The following GTF2IRD1 variants were observed in gnomAD, a reference collection of about 807,000 sequenced individuals.
GTF2IRD1 encodes the protein general transcription factor II-I repeat domain-containing protein 1.
In GTF2IRD1, 26 loss-of-function variants were observed where a neutral mutation model predicts 113.2. That is an observed-to-expected ratio of 0.23 (90% CI 0.17 to 0.32). The LOEUF (loss-of-function observed/expected upper bound fraction) is 0.32, where lower values mean the gene tolerates loss of function less well. GTF2IRD1 is among the 10% of genes least tolerant of loss of function. The pLI is 1.00. For missense variants in GTF2IRD1, 864 were observed against 1,280.8 expected (o/e 0.67, Z 4.97); for synonymous variants, 484 against 529.1 (o/e 0.91, Z 1.17).
intron 22 of GTF2IRD1, among the ~76,000 whole-genome samples, chr7:74,573,646 A>C (rs1286237664): frequency 1.3e-5 from 2 of 152,058 alleles, no homozygotes; most frequent in Non-Finnish European, 2.9e-5. Flanking sequence ...CGTGTGTCTG[A>C]GCCATAGAAG....
intron 8 of GTF2IRD1, among the ~76,000 whole-genome samples, chr7:74,528,920 T>TGGATGGATGGATGGATGGATGGAC (rs782584833): frequency 2.0e-5 from 2 of 102,148 alleles, no homozygotes; most frequent in African/African-American, 7.0e-5. Context: ...GATGGATGGA[T>TGGATGGATGGATGGATGGATGGAC]GGACGGACAA....
intron 22 of GTF2IRD1, among the ~76,000 whole-genome samples, chr7:74,578,325 ATAGGTG>A (rs1801202941): frequency 6.6e-6 from 1 of 151,982 alleles, no homozygotes; most frequent in Admixed American, 6.6e-5. Context: ...AGCTGGGACT[ATAGGTG>A]CCCGCCACCA....
At chr7:74,497,614 C>T (rs1357624762) in intron 1 of GTF2IRD1, among the ~76,000 whole-genome samples, 2 of 152,020 alleles carry the variant, frequency 1.3e-5, no homozygotes, top group African/African-American at 4.8e-5. Flanking sequence ...GTGCCTGTAC[C>T]ATTTTGCATC....
rs200536132 is a variant in GTF2IRD1, at chr7:74,519,544, C to A, written c.741C>A (p.Thr247=). Residue 247 remains threonine, a synonymous_variant, in exon 6 of 27, where the codon ACC becomes ACA. Transcript: ENST00000424337. Reference sequence around the variant, plus strand: ...TGCCACCCCAGGACCTGCCCCCAACCGCCACCTCCTCCTCCATGGCCAGCT... The same window carrying A: ...TGCCACCCCAGGACCTGCCCCCAACAGCCACCTCCTCCTCCATGGCCAGCT... ...PKVPPQDLPP[T]ATSSSMASFL... 5 of 1,612,184 alleles carry A rather than the reference C, an allele frequency of 3.1e-6. No homozygotes were observed. Among genetic ancestry groups the A allele is most frequent in the South Asian group, 1.1e-5 (1 of 90,808 alleles).
Position 74,555,428 on chromosome 7 carries a change from C to T in GTF2IRD1, c.1967-10C>T, listed in dbSNP as rs1416467205. 3 of 1,613,862 alleles carry T rather than the reference C, an allele frequency of 1.9e-6. No homozygotes were observed. Among genetic ancestry groups the T allele is most frequent in the Non-Finnish European group, 2.5e-6 (3 of 1,179,708 alleles). On this transcript the variant is annotated splice_polypyrimidine_tract_variant and intron_variant, in intron 18 of 26. Coordinates refer to ENST00000424337, the MANE Select transcript of GTF2IRD1 (RefSeq NM_005685.4). The surrounding 1 kb of genome is among the most constrained non-coding windows in gnomAD (Gnocchi z 5.3). ...CTCACTTGGCTTCTCTCCCCCTGCCCTGCCCCCAGAGAGGGATTCCGGGGA... is the reference window on the plus strand; with the variant it reads ...CTCACTTGGCTTCTCTCCCCCTGCCTTGCCCCCAGAGAGGGATTCCGGGGA...
At chr7:74,589,582 A>G (rs1801931926) in intron 22 of GTF2IRD1, among the ~76,000 whole-genome samples, 1 of 151,988 alleles carries the variant, frequency 6.6e-6, no homozygotes, top group African/African-American at 2.4e-5. Flanking sequence ...CTGTGATCCC[A>G]GCTACTTGGG....
At chr7:74,490,156 T>C (rs145143142) in intron 1 of GTF2IRD1, among the ~76,000 whole-genome samples, 41 of 152,198 alleles carry the variant, frequency 2.7e-4, no homozygotes, top group African/African-American at 8.9e-4. Flanking sequence ...TTTGTAGAGA[T>C]GGGGTCTCAC....
intron 22 of GTF2IRD1, among the ~76,000 whole-genome samples, chr7:74,586,243 C>G (rs1271720909): frequency 6.6e-6 from 1 of 152,150 alleles, no homozygotes; most frequent in Non-Finnish European, 1.5e-5. Flanking sequence ...GTCCTTGGGC[C>G]CAGGACTCCA....
intron 8 of GTF2IRD1, among the ~76,000 whole-genome samples, chr7:74,525,278 C>T (rs1433469264): frequency 6.6e-6 from 1 of 152,204 alleles, no homozygotes; most frequent in African/African-American, 2.4e-5. Flanking sequence ...GGTCCCCAGC[C>T]TGGGCCAGGT....
chr7:74,554,376 T>C (rs1554356044), intron 17 of GTF2IRD1, among the ~76,000 whole-genome samples: 1 of 152,150 alleles, frequency 6.6e-6, no homozygotes, highest in Non-Finnish European at 1.5e-5. Context: ...GACAGGGCTT[T>C]CTGGAGTCTG....
At chr7:74,584,501 C>T (rs1801604824) in intron 22 of GTF2IRD1, among the ~76,000 whole-genome samples, 1 of 152,134 alleles carries the variant, frequency 6.6e-6, no homozygotes. Context: ...ATCCTGTGCT[C>T]AGTAAATCTG....
chr7:74,503,331 G>T (rs1236430898), intron 1 of GTF2IRD1, among the ~76,000 whole-genome samples: 1 of 152,184 alleles, frequency 6.6e-6, no homozygotes, highest in Non-Finnish European at 1.5e-5. Flanking sequence ...GGAGCTGGGT[G>T]ATGGGACAGA....
chr7:74,494,966 T>C (rs1318416815), intron 1 of GTF2IRD1, among the ~76,000 whole-genome samples: 2 of 152,152 alleles, frequency 1.3e-5, no homozygotes, highest in African/African-American at 4.8e-5. Context: ...TGTTACCCAG[T>C]CTGGTCTTGA....
At chr7:74,532,921 C>T (rs1229039136) in intron 9 of GTF2IRD1, among the ~76,000 whole-genome samples, 1 of 152,122 alleles carries the variant, frequency 6.6e-6, no homozygotes, top group African/African-American at 2.4e-5. Context: ...GGTCCAGCCA[C>T]TCCATGGCAG....
chr7:74,576,954 C>G (rs1353793613), intron 22 of GTF2IRD1, among the ~76,000 whole-genome samples: 3 of 151,994 alleles, frequency 2.0e-5, no homozygotes, highest in African/African-American at 7.3e-5. Context: ...TGAATCCATG[C>G]AAAGATCAAA....
intron 1 of GTF2IRD1, among the ~76,000 whole-genome samples, chr7:74,497,630 C>G (rs1191253043): frequency 6.6e-6 from 1 of 152,142 alleles, no homozygotes; most frequent in Non-Finnish European, 1.5e-5. Flanking sequence ...GCATCCCTAC[C>G]AGCAGCACAC....
intron 22 of GTF2IRD1, among the ~76,000 whole-genome samples, chr7:74,577,906 C>G (rs587613099): frequency 6.6e-6 from 1 of 152,218 alleles, no homozygotes; most frequent in Admixed American, 6.5e-5. Context: ...CTCCTGGGCT[C>G]AAACAATCCT....
At chr7:74,533,496 C>T (rs1798096218) in intron 9 of GTF2IRD1, among the ~76,000 whole-genome samples, 2 of 152,172 alleles carry the variant, frequency 1.3e-5, no homozygotes, top group African/African-American at 4.8e-5. Flanking sequence ...TGCCCAGCCT[C>T]CCCTCCTCCA....
At chr7:74,464,505 G>A (rs982913855) in intron 1 of GTF2IRD1, among the ~76,000 whole-genome samples, 1 of 152,108 alleles carries the variant, frequency 6.6e-6, no homozygotes, top group South Asian at 2.1e-4. Flanking sequence ...GGAGTGTAGT[G>A]GTGTGATCAC....
Sources: allele counts gnomAD v4.1 joint callset (sites outside exome capture counted in the v4.1 genomes callset), GRCh38; gene constraint gnomAD v4.1.1; non-coding constraint Gnocchi (gnomAD v3.1); transcripts MANE v1.5; gene names NCBI Gene and HGNC (gene_info 2026-07-23, HGNC 2026-07-21).